The following CLNK variants were observed in gnomAD, a reference collection of about 807,000 sequenced individuals.
CLNK encodes the protein cytokine-dependent hematopoietic cell linker.
CLNK carries 74 observed loss-of-function variants against 68.6 expected under a neutral mutation model. That is an observed-to-expected ratio of 1.08 (90% CI 0.89 to 1.31). The LOEUF (loss-of-function observed/expected upper bound fraction) is 1.31, where lower values mean the gene tolerates loss of function less well. Ranked by LOEUF, CLNK falls within the 50% of genes most tolerant of loss-of-function variation. The pLI is 0.00. For synonymous variants in CLNK, 198 were observed against 172.2 expected, an observed-to-expected ratio of 1.15 and a Z score of -1.17; for missense variants, 553 against 515.3, an observed-to-expected ratio of 1.07 and a Z score of -0.71.
At chr4:10,732,719 T>C in the CLNK span, among the ~76,000 whole-genome samples, 1 of 148,180 alleles carries the variant, frequency 6.7e-6, no homozygotes, top group Non-Finnish European at 1.5e-5. Context: ...TGACAGCAAC[T>C]CGAGGACCAA....
At chr4:10,708,683 G>C in the CLNK span, among the ~76,000 whole-genome samples, 1 of 152,210 alleles carries the variant, frequency 6.6e-6, no homozygotes, top group African/African-American at 2.4e-5. Context: ...GCACATCATG[G>C]TCAGATTTTC....
At chr4:10,632,130 A>G (rs886102383) in intron 2 of CLNK, among the ~76,000 whole-genome samples, 2 of 152,192 alleles carry the variant, frequency 1.3e-5, no homozygotes, top group African/African-American at 4.8e-5. Flanking sequence ...TCAAAACTCC[A>G]TCTTCCCAGA....
the CLNK span, among the ~76,000 whole-genome samples, chr4:10,727,458 C>T: frequency 6.6e-6 from 1 of 152,212 alleles, no homozygotes; most frequent in Non-Finnish European, 1.5e-5. Context: ...TGGAGGGGGT[C>T]AGTCTAATTA....
chr4:10,647,127 C>T (rs189265654), intron 2 of CLNK, among the ~76,000 whole-genome samples: 1 of 152,176 alleles, frequency 6.6e-6, no homozygotes, highest in Non-Finnish European at 1.5e-5. Context: ...TTAACCCCTA[C>T]TAAGTGGGTC....
rs1009665746 is a variant in CLNK at position 10,513,693 on chromosome 4, A to G, written c.773-96T>C. On this transcript the variant is annotated intron_variant, in intron 15 of 18. Coordinates refer to ENST00000226951, the MANE Select transcript of CLNK (RefSeq NM_052964.4). The stretch of plus-strand genomic sequence containing the variant: ...GAGCTGAAACCCTTTGCTCCTTCCT[A>G]TATCTGTGAGGACCTTCTTGGTCAA... 1.4e-5 allele frequency: 18 copies of G among 1,256,040 alleles called. 1 individual carries two copies. The highest frequency in any genetic ancestry group is 1.9e-5 in the Non-Finnish European group (18 of 936,150). The allele number at this position is 1,256,040 out of a possible 1,614,324, so 77.8% of individuals were successfully genotyped here.
In CLNK at chr4:10,507,089, G is replaced by T. The variant is rs571282693; in HGVS notation, c.984+870C>A. 1.9e-4 allele frequency among the ~76,000 whole-genome samples: 29 copies of T among 150,686 alleles called. 2 individuals are homozygous for T. The South Asian group carries it at 5.9e-3, about 31-fold the overall frequency. Reference sequence around the variant, plus strand: ...AAAAGTGCTGGGATTACAGGCATGAGCCACCGCGTCCGGCTGAAACTCTCC... The same window carrying T: ...AAAAGTGCTGGGATTACAGGCATGATCCACCGCGTCCGGCTGAAACTCTCC... On this transcript the variant is annotated intron_variant, in intron 17 of 18. Coordinates refer to ENST00000226951, the MANE Select transcript of CLNK (RefSeq NM_052964.4).
At chr4:10,610,326 G>A (rs1213728374) in intron 2 of CLNK, among the ~76,000 whole-genome samples, 2 of 148,726 alleles carry the variant, frequency 1.3e-5, no homozygotes, top group African/African-American at 2.5e-5. Context: ...TTACAGGCGT[G>A]AGCCACCGCG....
intron 1 of CLNK, among the ~76,000 whole-genome samples, chr4:10,671,793 T>A (rs1724653731): frequency 6.6e-6 from 1 of 152,166 alleles, no homozygotes; most frequent in African/African-American, 2.4e-5. Context: ...CAAGTTTTAG[T>A]TATAAAGGAA....
At chr4:10,727,894 A>G in the CLNK span, among the ~76,000 whole-genome samples, 2 of 152,388 alleles carry the variant, frequency 1.3e-5, no homozygotes, top group South Asian at 2.1e-4. Context: ...CTAGTGAATC[A>G]GAAAATCTGA....
chr4:10,682,704 A>G (rs918133129), intron 1 of CLNK, among the ~76,000 whole-genome samples: 7 of 152,174 alleles, frequency 4.6e-5, no homozygotes, highest in African/African-American at 1.4e-4. Flanking sequence ...GTTTCTTTCC[A>G]TTTCACCATG....
At chr4:10,578,354 A>G (rs1319664442) in intron 4 of CLNK, among the ~76,000 whole-genome samples, 1 of 152,092 alleles carries the variant, frequency 6.6e-6, no homozygotes, top group African/African-American at 2.4e-5. Flanking sequence ...CCACCTGCTG[A>G]TTCTTCACAA....
At chr4:10,542,680 GTGTA>G (rs1387384240) in intron 8 of CLNK, among the ~76,000 whole-genome samples, 2,619 of 145,066 alleles carry the variant, frequency 0.018, 82 homozygotes, top group East Asian at 0.12. Flanking sequence ...GTGTGTGTGT[GTGTA>G]TATATATATA....
rs191958388 is a variant in CLNK at position 10,518,954 on chromosome 4, C to T, written c.772+1837G>A. Among the ~76,000 whole-genome samples the T allele has an allele frequency of 2.9e-3, 444 of 152,256 alleles. 2 individuals are homozygous for T. Among genetic ancestry groups the T allele is most frequent in the Non-Finnish European group, 4.3e-3 (294 of 68,024 alleles). On this transcript the variant is annotated intron_variant, in intron 15 of 18. Transcript: ENST00000226951. The stretch of plus-strand genomic sequence containing the variant: ...AATTCATACCCAGTAGAATGAGTAT[C>T]GGTTCAGTAGCTGATGGAGGAACAT...
At chr4:10,549,842 C>T (rs1719377741) in intron 8 of CLNK, among the ~76,000 whole-genome samples, 3 of 152,246 alleles carry the variant, frequency 2.0e-5, no homozygotes, top group African/African-American at 7.2e-5. Flanking sequence ...ATGCTCTCCA[C>T]CTGGTGGTCA....
In CLNK at chr4:10,679,290, T is replaced by A. The variant is rs1487151624; in HGVS notation, c.-43+5378A>T. On this transcript the variant is annotated intron_variant, in intron 1 of 18. Transcript: ENST00000226951. ...AAAGGATTCCATATTTAATAAATGG[T>A]GCTGGGAAAACTGGCTAGCCATATG... Among the ~76,000 whole-genome samples the A allele has an allele frequency of 4.6e-5, 7 of 152,226 alleles. No individual in the cohort carries two copies. The East Asian group carries it at 1.4e-3, about 29-fold the overall frequency.
At chr4:10,677,220 T>C (rs983085690) in intron 1 of CLNK, among the ~76,000 whole-genome samples, 8 of 152,144 alleles carry the variant, frequency 5.3e-5, no homozygotes, top group South Asian at 2.1e-4. Context: ...GCGGTGAAGA[T>C]AAGGGTGAAG....
At chr4:10,696,959 T>A in the CLNK span, among the ~76,000 whole-genome samples, 1 of 152,196 alleles carries the variant, frequency 6.6e-6, no homozygotes, top group South Asian at 2.1e-4. Context: ...CTGTGCATTC[T>A]AAACAAATTC....
At chr4:10,650,670 C>T (rs938629247) in intron 2 of CLNK, among the ~76,000 whole-genome samples, 3 of 152,044 alleles carry the variant, frequency 2.0e-5, no homozygotes, top group African/African-American at 7.2e-5. Context: ...AAAATAAAGG[C>T]TTTTTTAGCA....
chr4:10,505,176 C>T (rs1437091338), intron 17 of CLNK, among the ~76,000 whole-genome samples: 1 of 152,214 alleles, frequency 6.6e-6, no homozygotes, highest in East Asian at 1.9e-4. Flanking sequence ...GTTTGCCACT[C>T]TACCAAGGCA....
Sources: allele counts gnomAD v4.1 joint callset (sites outside exome capture counted in the v4.1 genomes callset), GRCh38; gene constraint gnomAD v4.1.1; transcripts MANE v1.5; gene names NCBI Gene and HGNC (gene_info 2026-07-23, HGNC 2026-07-21).